The following CFAP99 variants were observed in gnomAD, a reference collection of about 807,000 sequenced individuals.
CFAP99 encodes the protein cilia and flagella associated protein 99.
CFAP99 carries 84 observed loss-of-function variants against 82.7 expected under a neutral mutation model. The ratio of observed to expected loss-of-function variants is 1.02; its 90% CI spans 0.85 to 1.22. CFAP99 has a LOEUF of 1.22. CFAP99 is among the 50% of genes most tolerant of loss of function. The probability of loss-of-function intolerance (pLI) is 0.00; values close to 1 mark genes in which losing one functional copy is unlikely to be tolerated. For synonymous variants in CFAP99, 456 were observed against 429.5 expected, an observed-to-expected ratio of 1.06 and a Z score of -0.76; for missense variants, 1,059 against 983.5, an observed-to-expected ratio of 1.08 and a Z score of -1.03.
At chr4:2,420,099 C>T (rs910211073) in intron 1 of CFAP99, among the ~76,000 whole-genome samples, 3 of 151,828 alleles carry the variant, frequency 2.0e-5, no homozygotes, top group South Asian at 4.2e-4. Flanking sequence ...ACAGATCCCA[C>T]TGTCCACTTC....
chr4:2,425,693 G>C (rs1035591524), intron 1 of CFAP99, among the ~76,000 whole-genome samples: 3 of 152,188 alleles, frequency 2.0e-5, no homozygotes, highest in African/African-American at 7.2e-5. Flanking sequence ...AAGGATGACG[G>C]CCTTTGCTGA....
intron 1 of CFAP99, among the ~76,000 whole-genome samples, chr4:2,425,990 T>TGAA (rs1306506520): frequency 6.6e-6 from 1 of 152,150 alleles, no homozygotes; most frequent in Non-Finnish European, 1.5e-5. Flanking sequence ...CAGGACCTTC[T>TGAA]GCTCCCCAGC....
rs1734326015 is a variant in CFAP99, at chr4:2,452,366, G to A, written c.1161+20G>A. 11 of 1,530,688 alleles carry A rather than the reference G, an allele frequency of 7.2e-6. No individual in the cohort carries two copies. The highest frequency in any genetic ancestry group is 8.7e-6 in the Non-Finnish European group (10 of 1,143,922). The allele number at this position is 1,530,688 out of a possible 1,614,324, so 94.8% of individuals were successfully genotyped here. ...GAGCAGGTGGGTGCCATGCAGGGCA[G>A]CTGGGCATGGGGCAGCCAGCTGAAC... On this transcript the variant is annotated intron_variant, in intron 11 of 14. Coordinates refer to ENST00000635017, the Ensembl canonical transcript of CFAP99.
At position 2,449,650 on chromosome 4, in the gene CFAP99, T is replaced by C. The variant is rs1239892729; in HGVS notation, c.643-20T>C. ...CTCGCAGCTGCTGACCATAGGCTCT[T>C]CCTCCCACCACTTCAGCAGGTCCCC... On this transcript the variant is annotated intron_variant, in intron 6 of 14. Transcript: ENST00000635017. 1.0e-5 allele frequency: 16 copies of C among 1,535,364 alleles called. No individual in the cohort carries two copies. The highest frequency in any genetic ancestry group is 1.4e-5 in the Non-Finnish European group (16 of 1,146,458).
chr4:2,460,744 T>TTTTTTG (rs1206356862), intron 14 of CFAP99, among the ~76,000 whole-genome samples: 3 of 151,782 alleles, frequency 2.0e-5, no homozygotes, highest in South Asian at 2.1e-4. Context: ...TGGCCAACTG[T>TTTTTTG]TTTTTGTTTT....
chr4:2,443,430 C>T (rs981753339), intron 5 of CFAP99, among the ~76,000 whole-genome samples, 188 bp downstream of exon 5: 2 of 152,214 alleles, frequency 1.3e-5, no homozygotes, highest in African/African-American at 2.4e-5. Flanking sequence ...CACAGCCTCG[C>T]GGGGAGGAAA....
intron 11 of CFAP99, among the ~76,000 whole-genome samples, chr4:2,457,413 G>C (rs1006994360): frequency 1.3e-5 from 2 of 152,244 alleles, no homozygotes; most frequent in Non-Finnish European, 2.9e-5. Context: ...TGCGAGCTCA[G>C]CGAGCAGCCA....
downstream of CFAP99, chr4:2,462,979 C>A: frequency 2.8e-6 from 3 of 1,052,870 alleles, no homozygotes; most frequent in Non-Finnish European, 1.2e-6. The surrounding 1 kb of genome is among the most constrained non-coding windows in gnomAD (Gnocchi z 4.1). Context: ...CACCCGCCGC[C>A]CCAATAAAGA....
At chr4:2,450,109 C>G (rs976558326) in intron 8 of CFAP99, 104 bp downstream of exon 8, 32 of 1,181,096 alleles carry the variant, frequency 2.7e-5, no homozygotes, top group Non-Finnish European at 3.9e-5. Flanking sequence ...GTAGCCTTTT[C>G]CCACTGAGGG....
In CFAP99 at chr4:2,462,933, C is replaced by G; in HGVS notation, c.*7C>G. On this transcript the variant is annotated 3_prime_UTR_variant, in exon 15 of 15. Transcript: ENST00000635017. This position sits in a 1 kb window ranked among gnomAD's most constrained non-coding sequence, Gnocchi z 4.1. ...CCGCCTGGAGGCCGCCTGAGCCGGG[C>G]CGAGCGCGCCCCACCCGCTTGCGGG... 7.8e-7 allele frequency: 1 copy of G among 1,277,716 alleles called. No individual in the cohort carries two copies. Among genetic ancestry groups the G allele is most frequent in the Non-Finnish European group, 9.8e-7 (1 of 1,015,574 alleles). The allele number at this position is 1,277,716 out of a possible 1,614,324, so 79.1% of individuals were successfully genotyped here.
intron 11 of CFAP99, among the ~76,000 whole-genome samples, chr4:2,453,458 C>T (rs1234435143): frequency 2.6e-5 from 4 of 152,166 alleles, no homozygotes; most frequent in Non-Finnish European, 5.9e-5. Flanking sequence ...GGCCAATCGT[C>T]TCCCTGGTAC....
chr4:2,437,441 T>C (rs182080458), intron 3 of CFAP99, among the ~76,000 whole-genome samples: 12 of 152,296 alleles, frequency 7.9e-5, no homozygotes, highest in Admixed American at 7.2e-4. Context: ...AGCCGTCTGC[T>C]TTCATGGGGC....
chr4:2,436,810 A>C (rs1578469432), intron 2 of CFAP99, 64 bp from the exon 3 acceptor site: 156 of 1,189,978 alleles, frequency 1.3e-4, no homozygotes, highest in East Asian at 2.5e-4. Context: ...CAAGTGTCCC[A>C]CCCCCACCGC....
At chr4:2,427,907 C>G (rs76874160) in intron 2 of CFAP99, 3,084 of 152,542 alleles carry the variant, frequency 0.02, 109 homozygotes, top group African/African-American at 0.07. Flanking sequence ...CTCCCAGCTT[C>G]TGGAAGAGGC....
chr4:2,459,758 CA>C (rs1419561018), intron 13 of CFAP99, among the ~76,000 whole-genome samples: 5 of 152,172 alleles, frequency 3.3e-5, no homozygotes, highest in South Asian at 2.1e-4. Context: ...CTGTCTGCCC[CA>C]GGCCCCGAAG....
chr4:2,450,927 C>G lies in CFAP99; in HGVS notation c.796-20C>G. The G allele has an allele frequency of 6.5e-7, 1 of 1,535,318 alleles. No individual in the cohort carries two copies. Among genetic ancestry groups the G allele is most frequent in the South Asian group, 1.2e-5 (1 of 84,046 alleles). ...GCAGGCACAGGTGCCAGGCGGCCAGCTCTGCCCTGACTCCTGCAGGGCTCC... is the reference window on the plus strand; with the variant it reads ...GCAGGCACAGGTGCCAGGCGGCCAGGTCTGCCCTGACTCCTGCAGGGCTCC... On this transcript the variant is annotated intron_variant, in intron 8 of 14. Transcript: ENST00000635017.
chr4:2,450,214 C>T (rs1344737653), intron 8 of CFAP99: 1 of 597,006 alleles, frequency 1.7e-6, no homozygotes, highest in East Asian at 2.8e-5. Flanking sequence ...CGCGCACCCA[C>T]ATCCCCCAGG....
At chr4:2,426,637 G>A in intron 2 of CFAP99, 51 bp downstream of exon 2, 1 of 1,190,954 alleles carries the variant, frequency 8.4e-7, no homozygotes, top group Non-Finnish European at 1.2e-6. Flanking sequence ...CACCTGTTGT[G>A]CAGCTGTTCT....
At chr4:2,422,482 T>C (rs1005418953) in intron 1 of CFAP99, among the ~76,000 whole-genome samples, 1 of 152,128 alleles carries the variant, frequency 6.6e-6, no homozygotes, top group African/African-American at 2.4e-5. Flanking sequence ...TCCTCCTCGA[T>C]TTGCATCACC....
Sources: allele counts gnomAD v4.1 joint callset (sites outside exome capture counted in the v4.1 genomes callset), GRCh38; gene constraint gnomAD v4.1.1; non-coding constraint Gnocchi (gnomAD v3.1); transcripts MANE v1.5; gene names NCBI Gene and HGNC (gene_info 2026-07-23, HGNC 2026-07-21).